Variants in KDM4A observed in about 807,000 individuals in gnomAD.
The protein encoded by KDM4A is lysine demethylase 4A.
In KDM4A, 23 loss-of-function variants were observed where a neutral mutation model predicts 127.1. The ratio of observed to expected loss-of-function variants is 0.18; its 90% CI spans 0.13 to 0.26. The LOEUF (loss-of-function observed/expected upper bound fraction) is 0.26, where lower values mean the gene tolerates loss of function less well. Ranked by LOEUF, KDM4A falls within the 10% of genes least tolerant of loss-of-function variation. The pLI, the probability that KDM4A is intolerant of heterozygous loss-of-function variation, is 1.00. For missense variants in KDM4A, 890 were observed against 1,329.1 expected (o/e 0.67, Z 5.14); for synonymous variants, 443 against 466.5 (o/e 0.95, Z 0.65).
chr1:43,654,486 A>G (rs930550369), intron 2 of KDM4A, among the ~76,000 whole-genome samples: 1 of 150,712 alleles, frequency 6.6e-6, no homozygotes, highest in Non-Finnish European at 1.5e-5. Flanking sequence ...TTCCTTTTTA[A>G]CAACATATAT....
intron 20 of KDM4A, 81 bp downstream of exon 20, chr1:43,703,817 T>C: frequency 6.4e-7 from 1 of 1,570,062 alleles, no homozygotes; most frequent in South Asian, 1.2e-5. Flanking sequence ...GGCGAGTCTT[T>C]GCTCTTAGGA....
At chr1:43,682,334 TTTG>T (rs1660877323) in intron 11 of KDM4A, among the ~76,000 whole-genome samples, 1 of 152,214 alleles carries the variant, frequency 6.6e-6, no homozygotes. Context: ...TCTAGCCCTT[TTTG>T]TTCACTGTAA....
intron 18 of KDM4A, 27 bp from the exon 19 acceptor site, chr1:43,697,816 G>A: frequency 6.2e-7 from 1 of 1,603,366 alleles, no homozygotes; most frequent in Non-Finnish European, 8.5e-7. Context: ...CCACGTGTGA[G>A]TAACCAAAGC....
chr1:43,666,113 G>A (rs1319237884), intron 6 of KDM4A, among the ~76,000 whole-genome samples: 5 of 152,238 alleles, frequency 3.3e-5, no homozygotes, highest in Non-Finnish European at 7.3e-5. Flanking sequence ...AGCCTGGGTA[G>A]ATGATACTAC....
chr1:43,652,675 CTTTCT>C (rs1289747850), intron 1 of KDM4A, among the ~76,000 whole-genome samples: 23 of 134,742 alleles, frequency 1.7e-4, no homozygotes, highest in Non-Finnish European at 2.8e-4. Flanking sequence ...TTCTTTCTTT[CTTTCT>C]TTTTTTTTTT....
intron 16 of KDM4A, among the ~76,000 whole-genome samples, chr1:43,692,640 G>T (rs1661143475): frequency 6.6e-6 from 1 of 152,192 alleles, no homozygotes; most frequent in Non-Finnish European, 1.5e-5. Context: ...CATTCACCTT[G>T]TCACAGCTGG....
At chr1:43,689,289 T>A (rs930177676) in intron 13 of KDM4A, among the ~76,000 whole-genome samples, 194 bp downstream of exon 13, 4 of 152,238 alleles carry the variant, frequency 2.6e-5, no homozygotes, top group Admixed American at 2.0e-4. Context: ...CAATTGAGAA[T>A]GCTTTGGAGA....
At position 43,688,887 on chromosome 1, in the gene KDM4A, GA is replaced by G; in HGVS notation, c.1856-26del. On this transcript the variant is annotated intron_variant, in intron 12 of 21. Transcript: ENST00000372396. This position sits in a 1 kb window ranked among gnomAD's most constrained non-coding sequence, Gnocchi z 4.4. ...GCCACAGATGTGCAGGGTTAGTGCTGACTCACACTTCTGTTTCCTCCTCTAG... is the reference window on the plus strand; with the variant it reads ...GCCACAGATGTGCAGGGTTAGTGCTGCTCACACTTCTGTTTCCTCCTCTAG... The G allele has an allele frequency of 6.2e-7, 1 of 1,607,720 alleles. No homozygotes were observed. The highest frequency in any genetic ancestry group is 8.5e-7 in the Non-Finnish European group (1 of 1,175,374).
chr1:43,660,090 A>G (rs1660337007), intron 3 of KDM4A, among the ~76,000 whole-genome samples: 1 of 152,144 alleles, frequency 6.6e-6, no homozygotes, highest in African/African-American at 2.4e-5. Flanking sequence ...CTGTGTGTAC[A>G]TTACCTTCCT....
At chr1:43,695,293 G>C (rs1329089128) in intron 18 of KDM4A, among the ~76,000 whole-genome samples, 1 of 152,214 alleles carries the variant, frequency 6.6e-6, no homozygotes, top group South Asian at 2.1e-4. Context: ...AGACAGTAGA[G>C]ATTTCTGCAG....
chr1:43,701,588 G>A (rs981453676), intron 19 of KDM4A, among the ~76,000 whole-genome samples: 23 of 152,038 alleles, frequency 1.5e-4, no homozygotes, highest in African/African-American at 1.4e-4. Flanking sequence ...TCATCCTCCC[G>A]GCCTCAAGCA....
intron 11 of KDM4A, among the ~76,000 whole-genome samples, chr1:43,682,565 C>T (rs1001080216): frequency 6.6e-6 from 1 of 152,190 alleles, no homozygotes; most frequent in Non-Finnish European, 1.5e-5. Flanking sequence ...TTCTCTACAC[C>T]TTCTTCTTTT....
rs759703904 is a variant in KDM4A at position 43,653,257 on chromosome 1, A to T, written c.82A>T (p.Ser28Cys). ...YPTMEEFRNF[S>C]RYIAYIESQG... ...AACTATGGAAGAGTTCCGAAACTTC[A>T]GTAGATACATTGCCTACATTGAATC... The change falls in exon 2 of 22, where the codon AGT (serine) becomes TGT (cysteine). Residue 28 changes from serine to cysteine, a missense_variant. Physicochemically the swap from Ser to Cys is moderately radical, Grantham distance 112. Transcript: ENST00000372396. The T allele has an allele frequency of 1.2e-6, 2 of 1,614,072 alleles. No individual in the cohort carries two copies. The highest frequency in any genetic ancestry group is 2.2e-5 in the East Asian group (1 of 44,872).
chr1:43,667,218 T>C (rs1175860198), intron 8 of KDM4A, 127 bp downstream of exon 8: 1 of 1,014,268 alleles, frequency 9.9e-7, no homozygotes, highest in Non-Finnish European at 1.5e-6. Context: ...GCTAGCAATG[T>C]GTCAGAGTAC....
chr1:43,695,394 G>T (rs1338160014), intron 18 of KDM4A, among the ~76,000 whole-genome samples: 1 of 152,220 alleles, frequency 6.6e-6, no homozygotes, highest in Non-Finnish European at 1.5e-5. Flanking sequence ...GGCATTTGAA[G>T]TGGGTCTTAA....
At position 43,692,285 on chromosome 1, in the gene KDM4A, G is replaced by T; in HGVS notation, c.2349G>T (p.Gly783=). The part of the protein sequence containing the change: ...EDCCLCSLRG[G]ALQRANDDRW... ...GCTGTTTATGCTCATTACGAGGAGGGGCCCTGCAGAGAGCAAATGATGACA... is the reference window on the plus strand; with the variant it reads ...GCTGTTTATGCTCATTACGAGGAGGTGCCCTGCAGAGAGCAAATGATGACA... The change falls in exon 16 of 22, where the codon GGG becomes GGT. Residue 783 remains glycine (G), a synonymous_variant. Transcript: ENST00000372396. 1 of 1,614,120 alleles carries T rather than the reference G, an allele frequency of 6.2e-7. No homozygotes were observed. The highest frequency in any genetic ancestry group is 1.1e-5 in the South Asian group (1 of 91,074).
intron 20 of KDM4A, 139 bp downstream of exon 20, chr1:43,703,875 T>C: frequency 7.4e-7 from 1 of 1,351,978 alleles, no homozygotes; most frequent in Non-Finnish European, 1.0e-6. Flanking sequence ...CTGCCCTGTT[T>C]CCAGTCTGCC....
In KDM4A at chr1:43,655,608, G is replaced by A; in HGVS notation, c.156G>A (p.Glu52=). ...AGLAKVVPPK[E]WKPRASYDDI... is the part of the protein sequence containing the mutation. ...CCCTTCAGGTTGTTCCTCCAAAAGA[G>A]TGGAAGCCACGAGCATCCTATGATG... is the stretch of plus-strand genomic sequence containing the variant. The change falls in exon 3 of 22, where the codon GAG becomes GAA. Residue 52 remains glutamate, a synonymous_variant. Transcript: ENST00000372396. The A allele has an allele frequency of 1.2e-6, 2 of 1,609,796 alleles. No individual in the cohort carries two copies. Among genetic ancestry groups the A allele is most frequent in the South Asian group, 1.1e-5 (1 of 90,370 alleles).
chr1:43,671,862 G>A lies in KDM4A; in HGVS notation c.1721G>A (p.Arg574Gln), dbSNP rs943818142. 4.5e-6 allele frequency: 7 copies of A among 1,568,458 alleles called. No individual in the cohort carries two copies. The highest frequency in any genetic ancestry group is 2.4e-5 in the South Asian group (2 of 84,524). The change falls in exon 11 of 22, where the codon CGG becomes CAG. Residue 574 changes from arginine to glutamine, a missense_variant. Physicochemically the swap from Arg to Gln is conservative, Grantham distance 43. Coordinates refer to ENST00000372396, the MANE Select transcript of KDM4A (RefSeq NM_014663.3). ...AGCGCCGCTAGAAGTTTCAGTGAGCGGGAGCTGGCAGAGGTATGGGCTCCA... is the reference window on the plus strand; with the variant it reads ...AGCGCCGCTAGAAGTTTCAGTGAGCAGGAGCTGGCAGAGGTATGGGCTCCA... The part of the protein sequence containing the change: ...KGSAARSFSE[R>Q]ELAEVADEYM...
Sources: allele counts gnomAD v4.1 joint callset (sites outside exome capture counted in the v4.1 genomes callset), GRCh38; gene constraint gnomAD v4.1.1; non-coding constraint Gnocchi (gnomAD v3.1); transcripts MANE v1.5; gene names NCBI Gene and HGNC (gene_info 2026-07-23, HGNC 2026-07-21).